Variants in GRIA4 observed in about 807,000 individuals in gnomAD.
The protein encoded by GRIA4 is glutamate receptor 4.
GRIA4 carries 34 observed loss-of-function variants against 104.0 expected under a neutral mutation model. That is an observed-to-expected ratio of 0.33 (90% CI 0.25 to 0.44). The LOEUF is 0.44. Ranked by LOEUF, GRIA4 falls within the 20% of genes least tolerant of loss-of-function variation. The pLI is 1.00. For synonymous variants in GRIA4, 386 were observed against 381.9 expected (o/e 1.01, Z -0.13); for missense variants, 750 against 1,096.5 (o/e 0.68, Z 4.46).
intron 3 of GRIA4, among the ~76,000 whole-genome samples, chr11:105,674,923 C>T (rs117152031): frequency 0.021 from 3,209 of 151,978 alleles, 51 homozygotes; most frequent in Middle Eastern, 0.065. Context: ...AAAATATTAA[C>T]CCTCTCTTCT....
intron 4 of GRIA4, among the ~76,000 whole-genome samples, chr11:105,778,557 T>A (rs899142918): frequency 6.6e-6 from 1 of 151,924 alleles, no homozygotes; most frequent in East Asian, 1.9e-4. Context: ...ATACGAAAAT[T>A]AGCCGGGTGT....
intron 3 of GRIA4, among the ~76,000 whole-genome samples, chr11:105,693,591 T>C (rs1473927573): frequency 6.6e-6 from 1 of 152,198 alleles, no homozygotes; most frequent in Non-Finnish European, 1.5e-5. Context: ...CTTTTTAGCA[T>C]GTTATTACCC....
At chr11:105,910,179 C>T (rs182489974) in intron 9 of GRIA4, among the ~76,000 whole-genome samples, 7 of 152,140 alleles carry the variant, frequency 4.6e-5, no homozygotes. Context: ...ATCACCATTC[C>T]CAATCTCTTG....
chr11:105,735,568 AAGT>A (rs1323915445), intron 3 of GRIA4, among the ~76,000 whole-genome samples: 1 of 152,170 alleles, frequency 6.6e-6, no homozygotes, highest in African/African-American at 2.4e-5. Flanking sequence ...ATTAATTTAT[AAGT>A]AGGATCTTAC....
At chr11:105,800,571 A>T (rs1565246307) in intron 4 of GRIA4, among the ~76,000 whole-genome samples, 1 of 152,214 alleles carries the variant, frequency 6.6e-6, no homozygotes, top group Non-Finnish European at 1.5e-5. Context: ...TATAGACTAA[A>T]TATTAAGAAT....
chr11:105,612,300 A>G lies in GRIA4; in HGVS notation c.113A>G (p.Asp38Gly). ...GGTGGTCTCTTCATCCGAAACACAGATCAGGAATACACTGCTTTTCGATTA... is the reference window on the plus strand; with the variant it reads ...GGTGGTCTCTTCATCCGAAACACAGGTCAGGAATACACTGCTTTTCGATTA... ...QIGGLFIRNT[D>G]QEYTAFRLAI... The change falls in exon 3 of 17, where the codon GAT becomes GGT. Residue 38 changes from aspartate (D) to glycine (G), a missense_variant. Asp to Gly is a moderately conservative substitution (Grantham distance 94, BLOSUM62 -1). Coordinates refer to ENST00000282499, the MANE Select transcript of GRIA4 (RefSeq NM_000829.4). 6.2e-7 allele frequency: 1 copy of G among 1,614,122 alleles called. No individual in the cohort carries two copies. The highest frequency in any genetic ancestry group is 1.7e-5 in the Admixed American group (1 of 60,022).
At chr11:105,835,861 G>A (rs1418124164) in intron 4 of GRIA4, among the ~76,000 whole-genome samples, 1 of 151,670 alleles carries the variant, frequency 6.6e-6, no homozygotes, top group Non-Finnish European at 1.5e-5. Context: ...GAGAAATCTG[G>A]CTTAAAAAAG....
intron 7 of GRIA4, among the ~76,000 whole-genome samples, chr11:105,901,683 T>C (rs772099328): frequency 1.5e-4 from 23 of 152,222 alleles, no homozygotes; most frequent in Non-Finnish European, 2.5e-4. Context: ...TCTGGCTGAA[T>C]GTCTCCTTTG....
At chr11:105,766,607 A>G (rs1404522204) in intron 4 of GRIA4, among the ~76,000 whole-genome samples, 2 of 151,842 alleles carry the variant, frequency 1.3e-5, no homozygotes, top group Non-Finnish European at 2.9e-5. Context: ...GACAACTTAC[A>G]CACTTACTAA....
chr11:105,846,917 C>T (rs762883904), intron 4 of GRIA4, among the ~76,000 whole-genome samples: 5 of 152,202 alleles, frequency 3.3e-5, no homozygotes, highest in Non-Finnish European at 5.9e-5. Context: ...TACCTTGTAA[C>T]CCAATTCTGC....
intron 10 of GRIA4, among the ~76,000 whole-genome samples, chr11:105,916,716 C>T (rs1437566194): frequency 6.6e-6 from 1 of 152,226 alleles, no homozygotes; most frequent in East Asian, 1.9e-4. Context: ...CAAACTAATA[C>T]AGTAATATAT....
chr11:105,882,085 T>A (rs569599411), intron 5 of GRIA4, among the ~76,000 whole-genome samples: 1 of 152,284 alleles, frequency 6.6e-6, no homozygotes, highest in South Asian at 2.1e-4. Flanking sequence ...TTGGGGAACA[T>A]TTGGGAGTCT....
intron 3 of GRIA4, among the ~76,000 whole-genome samples, chr11:105,705,848 T>C (rs1371268514): frequency 6.6e-6 from 1 of 152,160 alleles, no homozygotes; most frequent in Non-Finnish European, 1.5e-5. Context: ...TTTAACAATG[T>C]TTAATAAAAC....
At chr11:105,845,426 G>A (rs899601708) in intron 4 of GRIA4, among the ~76,000 whole-genome samples, 1 of 152,096 alleles carries the variant, frequency 6.6e-6, no homozygotes, top group Non-Finnish European at 1.5e-5. Context: ...TGGAGACAAG[G>A]AGAGGGAACC....
chr11:105,945,552 A>C (rs1373487118), intron 14 of GRIA4: 3 of 481,860 alleles, frequency 6.2e-6, no homozygotes, highest in Admixed American at 1.3e-4. Flanking sequence ...ATTTGAAGGA[A>C]ACCCCTCCCC....
intron 4 of GRIA4, among the ~76,000 whole-genome samples, chr11:105,771,040 ATACACATGAC>A (rs1317647624): frequency 6.6e-6 from 1 of 151,922 alleles, no homozygotes; most frequent in African/African-American, 2.4e-5. Flanking sequence ...TCCTCTGTCT[ATACACATGAC>A]TACACATATC....
At chr11:105,916,354 A>G (rs1283734171) in intron 10 of GRIA4, among the ~76,000 whole-genome samples, 2 of 152,194 alleles carry the variant, frequency 1.3e-5, no homozygotes, top group Non-Finnish European at 2.9e-5. Flanking sequence ...AAAGTAAATG[A>G]AAAGACATGA....
intron 14 of GRIA4, among the ~76,000 whole-genome samples, chr11:105,966,842 C>T (rs1232059951): frequency 6.6e-6 from 1 of 152,100 alleles, no homozygotes; most frequent in East Asian, 1.9e-4. Context: ...AAATTTCTCA[C>T]CCGATCTAAA....
chr11:105,664,718 A>G (rs1460218995), intron 3 of GRIA4, among the ~76,000 whole-genome samples: 1 of 152,056 alleles, frequency 6.6e-6, no homozygotes, highest in Non-Finnish European at 1.5e-5. Context: ...AGTCTTCAAA[A>G]GAGAAATCAC....
Sources: allele counts gnomAD v4.1 joint callset (sites outside exome capture counted in the v4.1 genomes callset), GRCh38; gene constraint gnomAD v4.1.1; transcripts MANE v1.5; gene names NCBI Gene and HGNC (gene_info 2026-07-23, HGNC 2026-07-21).